The following PXDNL variants were observed in gnomAD, a reference collection of about 807,000 sequenced individuals.
PXDNL encodes the protein probable oxidoreductase PXDNL.
Under a neutral mutation model 150.8 loss-of-function variants are expected in PXDNL, and 145 were observed. That is an observed-to-expected ratio of 0.96 (90% confidence interval 0.84 to 1.10). The LOEUF is 1.10. PXDNL is among the 50% of genes least tolerant of loss of function. The probability of loss-of-function intolerance (pLI) is 0.00; values close to 1 mark genes in which losing one functional copy is unlikely to be tolerated. For missense variants in PXDNL, 2,087 were observed against 1,873.9 expected (o/e 1.11, Z -2.10); for synonymous variants, 757 against 725.7 (o/e 1.04, Z -0.69).
At chr8:51,598,493 T>C (rs1475333194) in intron 2 of PXDNL, among the ~76,000 whole-genome samples, 1 of 152,204 alleles carries the variant, frequency 6.6e-6, no homozygotes, top group African/African-American at 2.4e-5. Context: ...GATTATCATA[T>C]GGTTTTTCTT....
chr8:51,640,866 T>A (rs1377792667), intron 2 of PXDNL, among the ~76,000 whole-genome samples: 1 of 151,770 alleles, frequency 6.6e-6, no homozygotes, highest in Non-Finnish European at 1.5e-5. Context: ...TTAAAGTTCA[T>A]ATGGAACCAA....
chr8:51,541,022 G>A (rs911036377), intron 4 of PXDNL, among the ~76,000 whole-genome samples: 1 of 151,920 alleles, frequency 6.6e-6, no homozygotes, highest in Non-Finnish European at 1.5e-5. Context: ...CACTTTGGGG[G>A]ACCAAGGCAT....
At chr8:51,772,811 G>C (rs1025510657) in intron 1 of PXDNL, among the ~76,000 whole-genome samples, 4 of 152,188 alleles carry the variant, frequency 2.6e-5, no homozygotes, top group African/African-American at 7.2e-5. Context: ...AAGAGGACCA[G>C]GGAACCAACT....
intron 2 of PXDNL, among the ~76,000 whole-genome samples, chr8:51,596,757 T>G (rs1309462906): frequency 6.6e-6 from 1 of 152,116 alleles, no homozygotes; most frequent in Non-Finnish European, 1.5e-5. Context: ...AGGTTATTTG[T>G]TTTTTGCTTG....
At chr8:51,458,168 C>G (rs1809977866) in intron 8 of PXDNL, among the ~76,000 whole-genome samples, 1 of 152,142 alleles carries the variant, frequency 6.6e-6, no homozygotes, top group Non-Finnish European at 1.5e-5. Flanking sequence ...CAATAAATAA[C>G]AAACCTAACC....
chr8:51,763,320 T>TAA (rs58440027), intron 1 of PXDNL, among the ~76,000 whole-genome samples: 6,097 of 141,604 alleles, frequency 0.043, 391 homozygotes, highest in African/African-American at 0.14. Context: ...CTTAAAGTAT[T>TAA]AAAAAAAAAA....
intron 4 of PXDNL, among the ~76,000 whole-genome samples, chr8:51,537,945 T>C (rs1166666218): frequency 6.6e-6 from 1 of 152,210 alleles, no homozygotes; most frequent in Non-Finnish European, 1.5e-5. Context: ...CAGCCAATCC[T>C]GCCCCAGAAA....
intron 1 of PXDNL, among the ~76,000 whole-genome samples, chr8:51,707,469 T>C (rs952444297): frequency 6.6e-6 from 1 of 152,216 alleles, no homozygotes; most frequent in African/African-American, 2.4e-5. Context: ...CAAATTTTCT[T>C]GTATTTTTGT....
At chr8:51,533,641 G>A (rs1811964440) in intron 4 of PXDNL, among the ~76,000 whole-genome samples, 1 of 149,854 alleles carries the variant, frequency 6.7e-6, no homozygotes, top group Non-Finnish European at 1.5e-5. Flanking sequence ...ACGCCGCCAC[G>A]CCTGACTGGT....
intron 19 of PXDNL, among the ~76,000 whole-genome samples, chr8:51,362,832 T>C (rs1404878899): frequency 6.6e-6 from 1 of 152,256 alleles, no homozygotes; most frequent in Non-Finnish European, 1.5e-5. Context: ...TGTTCATATG[T>C]GTACTATATA....
chr8:51,580,450 A>G (rs950153501), intron 3 of PXDNL, among the ~76,000 whole-genome samples: 1 of 152,130 alleles, frequency 6.6e-6, no homozygotes, highest in African/African-American at 2.4e-5. Context: ...AACTGAAATC[A>G]TTTTCCCTGT....
chr8:51,334,543 A>G (rs1412918887), intron 21 of PXDNL, among the ~76,000 whole-genome samples: 1 of 152,196 alleles, frequency 6.6e-6, no homozygotes, highest in African/African-American at 2.4e-5. Context: ...GGTTCTTTGA[A>G]AAGATAAATA....
At chr8:51,339,054 C>T (rs991223224) in intron 21 of PXDNL, among the ~76,000 whole-genome samples, 3 of 152,154 alleles carry the variant, frequency 2.0e-5, no homozygotes, top group African/African-American at 2.4e-5. Flanking sequence ...GAGCCAGTGC[C>T]GACCAAATTC....
At chr8:51,449,179 A>G (rs1293628377) in intron 10 of PXDNL, 61 bp from the exon 11 acceptor site, 5 of 840,496 alleles carry the variant, frequency 5.9e-6, no homozygotes, top group Middle Eastern at 2.2e-4. Flanking sequence ...CAGTGCCAAT[A>G]GAAAAAAGAA....
intron 1 of PXDNL, among the ~76,000 whole-genome samples, chr8:51,750,907 A>C (rs1021826738): frequency 1.3e-5 from 2 of 152,242 alleles, no homozygotes; most frequent in African/African-American, 4.8e-5. Context: ...GGTTGTAAAC[A>C]GACAGTTTAG....
At chr8:51,671,475 A>G (rs1192912471) in intron 1 of PXDNL, among the ~76,000 whole-genome samples, 1 of 152,202 alleles carries the variant, frequency 6.6e-6, no homozygotes, top group African/African-American at 2.4e-5. Context: ...AAATCTATTT[A>G]AAAAAATAAA....
intron 21 of PXDNL, among the ~76,000 whole-genome samples, chr8:51,335,080 G>A (rs1805797199): frequency 6.6e-6 from 1 of 152,180 alleles, no homozygotes; most frequent in South Asian, 2.1e-4. Flanking sequence ...TTAATGAAGT[G>A]AGGAGGCTGG....
intron 2 of PXDNL, among the ~76,000 whole-genome samples, chr8:51,642,246 A>G (rs1270168205): frequency 6.6e-6 from 1 of 151,916 alleles, no homozygotes; most frequent in Non-Finnish European, 1.5e-5. Context: ...TAGGAGATAT[A>G]CCTAATGCTA....
At chr8:51,695,675 A>G (rs1816105791) in intron 1 of PXDNL, among the ~76,000 whole-genome samples, 2 of 152,154 alleles carry the variant, frequency 1.3e-5, no homozygotes, top group African/African-American at 4.8e-5. Flanking sequence ...ATGAGGCAGT[A>G]TGGTTCCCCT....
Sources: allele counts gnomAD v4.1 joint callset (sites outside exome capture counted in the v4.1 genomes callset), GRCh38; gene constraint gnomAD v4.1.1; transcripts MANE v1.5; gene names NCBI Gene and HGNC (gene_info 2026-07-23, HGNC 2026-07-21).